Variants in LRRN1 observed in about 807,000 individuals in gnomAD.
LRRN1 encodes leucine rich repeat neuronal 1.
A neutral mutation model predicts 45.8 loss-of-function variants in LRRN1; 14 were observed. The ratio of observed to expected loss-of-function variants is 0.31; its 90% CI spans 0.20 to 0.48. The LOEUF (loss-of-function observed/expected upper bound fraction) is 0.48. Among genes scored for constraint, LRRN1 ranks in the 20% least tolerant of loss-of-function variants. LRRN1 has a pLI of 0.99. For missense variants in LRRN1, 789 were observed against 874.2 expected (o/e 0.90, Z 1.23); for synonymous variants, 359 against 330.1 (o/e 1.09, Z -0.95).
At chr3:3,828,209 A>G (rs781400119) in intron 1 of LRRN1, among the ~76,000 whole-genome samples, 7 of 151,374 alleles carry the variant, frequency 4.6e-5, no homozygotes, top group African/African-American at 9.7e-5. Flanking sequence ...AGGGGAGTTT[A>G]TTAAACCAAT....
chr3:3,806,623 C>CCT lies in LRRN1; in HGVS notation c.-279+6704_-279+6705insCT, dbSNP rs1014873989. Among the ~76,000 whole-genome samples, 39 of 152,314 alleles carry CCT rather than the reference C, an allele frequency of 2.6e-4. No individual in the cohort carries two copies. In the Middle Eastern group the frequency reaches 0.01, roughly 40 times the overall value. On this transcript the variant is annotated intron_variant, in intron 1 of 1. Transcript: ENST00000319331. Reference sequence around the variant, plus strand: ...CAGAGAGAAAGTCGATAGCAATAGACATAGGACAGCACAAGCTGCATGAAG... The same window carrying CCT: ...CAGAGAGAAAGTCGATAGCAATAGACCTATAGGACAGCACAAGCTGCATGAAG...
At chr3:3,836,438 C>T (rs1174770171) in intron 1 of LRRN1, among the ~76,000 whole-genome samples, 3 of 152,210 alleles carry the variant, frequency 2.0e-5, no homozygotes, top group African/African-American at 7.2e-5. Context: ...ACGTACTATT[C>T]ACGCTATTGT....
intron 1 of LRRN1, among the ~76,000 whole-genome samples, chr3:3,809,129 A>G (rs1281979747): frequency 4.8e-5 from 7 of 145,706 alleles, no homozygotes; most frequent in African/African-American, 1.5e-4. Flanking sequence ...TGCTGAATCT[A>G]ATGAATAGTA....
intron 1 of LRRN1, among the ~76,000 whole-genome samples, chr3:3,836,746 G>A (rs576092656): frequency 1.3e-5 from 2 of 152,270 alleles, no homozygotes; most frequent in East Asian, 3.9e-4. Context: ...AGTGGGATAT[G>A]GGGGGTGGTA....
intron 1 of LRRN1, among the ~76,000 whole-genome samples, chr3:3,812,819 A>AG (rs1459994624): frequency 6.6e-6 from 1 of 151,282 alleles, no homozygotes; most frequent in African/African-American, 2.5e-5. Flanking sequence ...TTGTAAAAAA[A>AG]AAAAAAAAAA....
In LRRN1 at chr3:3,817,782, G is replaced by A. The variant is rs77041868; in HGVS notation, c.-279+17863G>A. On this transcript the variant is annotated intron_variant, in intron 1 of 1. Coordinates refer to ENST00000319331, the MANE Select transcript of LRRN1 (RefSeq NM_020873.7). ...TTTAAAAAATATAACAAAAGACAGCGCAGAGCTCTAGATGAGCAGAGAAAA... is the reference window on the plus strand; with the variant it reads ...TTTAAAAAATATAACAAAAGACAGCACAGAGCTCTAGATGAGCAGAGAAAA... 0.01 allele frequency among the ~76,000 whole-genome samples: 1,596 copies of A among 152,102 alleles called. 62 individuals carry two copies. The East Asian group carries it at 0.13, about 13-fold the overall frequency.
intron 1 of LRRN1, among the ~76,000 whole-genome samples, chr3:3,832,024 A>T (rs1262729988): frequency 6.6e-6 from 1 of 152,206 alleles, no homozygotes; most frequent in Non-Finnish European, 1.5e-5. Flanking sequence ...GAGACGTGTT[A>T]ATTTGCTCAA....
chr3:3,834,531 T>G (rs868703202), intron 1 of LRRN1, among the ~76,000 whole-genome samples: 2 of 102,524 alleles, frequency 2.0e-5, no homozygotes, highest in African/African-American at 7.3e-5. Flanking sequence ...ACAGGATATA[T>G]ATATATATAT....
chr3:3,806,115 C>A (rs565571458), intron 1 of LRRN1, among the ~76,000 whole-genome samples: 2 of 152,098 alleles, frequency 1.3e-5, no homozygotes, highest in East Asian at 1.9e-4. Context: ...GGTGTTATAC[C>A]GGCATCTAAT....
At chr3:3,843,786 A>C (rs1345355674) in intron 1 of LRRN1, among the ~76,000 whole-genome samples, 2 of 152,234 alleles carry the variant, frequency 1.3e-5, no homozygotes, top group African/African-American at 4.8e-5. Context: ...CATTGGCTGA[A>C]TATGTCTGCA....
At chr3:3,809,231 C>T (rs1217939671) in intron 1 of LRRN1, among the ~76,000 whole-genome samples, 2 of 152,142 alleles carry the variant, frequency 1.3e-5, no homozygotes, top group African/African-American at 4.8e-5. Context: ...GCAGCCTCTG[C>T]CTCCGGGGTT....
At chr3:3,827,087 A>G (rs533468023) in intron 1 of LRRN1, among the ~76,000 whole-genome samples, 1 of 152,310 alleles carries the variant, frequency 6.6e-6, no homozygotes, top group East Asian at 1.9e-4. Context: ...ATAGTAGCTA[A>G]CATCTACTCG....
In LRRN1 at chr3:3,841,924, T is replaced by C. The variant is rs76405019; in HGVS notation, c.-278-2440T>C. Reference sequence around the variant, plus strand: ...AGCATGTCACTTAATGATGGGGATGTGTTCTGAGAAATGTGTCATTAGGTG... The same window carrying C: ...AGCATGTCACTTAATGATGGGGATGCGTTCTGAGAAATGTGTCATTAGGTG... On this transcript the variant is annotated intron_variant, in intron 1 of 1. Transcript: ENST00000319331. 6.6e-3 allele frequency among the ~76,000 whole-genome samples: 1,006 copies of C among 152,316 alleles called. 51 individuals carry two copies. The East Asian group carries it at 0.13, about 20-fold the overall frequency.
intron 1 of LRRN1, among the ~76,000 whole-genome samples, chr3:3,824,605 T>G (rs1575289217): frequency 1.3e-5 from 2 of 152,254 alleles, no homozygotes; most frequent in Middle Eastern, 3.4e-3. Context: ...CCAACCTACC[T>G]AAGCAAAGGT....
chr3:3,821,595 T>G (rs696489), intron 1 of LRRN1, among the ~76,000 whole-genome samples: 3 of 152,040 alleles, frequency 2.0e-5, no homozygotes, highest in Non-Finnish European at 4.4e-5. Context: ...ATCAGTGTGA[T>G]TCAATTTGCA....
chr3:3,827,308 C>G (rs1693243880), intron 1 of LRRN1: 1 of 317,996 alleles, frequency 3.1e-6, no homozygotes, highest in Non-Finnish European at 6.5e-6. Context: ...TAACTTTATG[C>G]TATACTCTTG....
chr3:3,823,391 T>C (rs1693145626), intron 1 of LRRN1, among the ~76,000 whole-genome samples: 1 of 151,586 alleles, frequency 6.6e-6, no homozygotes, highest in Non-Finnish European at 1.5e-5. Context: ...CCTGGGGATG[T>C]TGTTTAAAAA....
intron 1 of LRRN1, among the ~76,000 whole-genome samples, chr3:3,809,012 T>C (rs1692822511): frequency 6.6e-6 from 1 of 152,212 alleles, no homozygotes; most frequent in Non-Finnish European, 1.5e-5. Context: ...ATTGTCTAAA[T>C]TTAGGTGTCT....
intron 1 of LRRN1, among the ~76,000 whole-genome samples, chr3:3,832,176 C>T (rs1311295804): frequency 6.6e-6 from 1 of 152,210 alleles, no homozygotes; most frequent in Non-Finnish European, 1.5e-5. Flanking sequence ...ATCACTACCC[C>T]TCCGTCTTTC....
Sources: allele counts gnomAD v4.1 joint callset (sites outside exome capture counted in the v4.1 genomes callset), GRCh38; gene constraint gnomAD v4.1.1; transcripts MANE v1.5; gene names NCBI Gene and HGNC (gene_info 2026-07-23, HGNC 2026-07-21).